Variants in KRT23 observed in about 807,000 individuals in gnomAD.
KRT23 encodes keratin, type I cytoskeletal 23.
KRT23 carries 38 observed loss-of-function variants against 47.6 expected under a neutral mutation model. The ratio of observed to expected loss-of-function variants is 0.80; its 90% confidence interval spans 0.62 to 1.05. The LOEUF (loss-of-function observed/expected upper bound fraction) is 1.05, where lower values mean the gene tolerates loss of function less well. KRT23 is among the 50% of genes least tolerant of loss of function. KRT23 has a pLI of 0.00. For missense variants in KRT23, 503 were observed against 529.5 expected (o/e 0.95, Z 0.49); for synonymous variants, 191 against 199.0 (o/e 0.96, Z 0.34).
rs1437326512 is a variant in KRT23, at chr17:40,922,982, A to C, written c.*7T>G. 6.2e-7 allele frequency: 1 copy of C among 1,606,286 alleles called. No individual in the cohort carries two copies. Among genetic ancestry groups the C allele is most frequent in the African/African-American group, 1.3e-5 (1 of 74,724 alleles). ...GATTTTACAACAGGCGGAAACTTTC[A>C]TTGGTCTCATGCGTGCTTTTGGATT... On this transcript the variant is annotated 3_prime_UTR_variant, in exon 9 of 9. Coordinates refer to ENST00000209718, the MANE Select transcript of KRT23 (RefSeq NM_015515.5).
rs1567797313 is a variant in KRT23 at position 40,929,047 on chromosome 17, A to AAAAG, written c.637-444_637-441dup. Among the ~76,000 whole-genome samples, 95 of 146,390 alleles carry AAAAG rather than the reference A, an allele frequency of 6.5e-4. 3 individuals carry two copies. The highest frequency in any genetic ancestry group is 1.0e-3 in the Admixed American group (14 of 13,994). ...GTCTCCAAAAAAAAAAAAAAAAAAA[A>AAAAG]AAAGAATATCATAAGGCAGGTAATC... On this transcript the variant is annotated intron_variant, in intron 4 of 8. Transcript: ENST00000209718.
At position 40,933,040 on chromosome 17, in the gene KRT23, G is replaced by A. The variant is rs142884646; in HGVS notation, c.397-1585C>T. Among the ~76,000 whole-genome samples, 921 of 152,220 alleles carry A rather than the reference G, an allele frequency of 6.1e-3. 8 individuals are homozygous for A. The highest frequency in any genetic ancestry group is 0.02 in the African/African-American group (843 of 41,500). On this transcript the variant is annotated intron_variant, in intron 2 of 8. Coordinates refer to ENST00000209718, the MANE Select transcript of KRT23 (RefSeq NM_015515.5). ...AAATAATGTCAAATAGCATATTATC[G>A]GCATATTATAGACAGTGAAAAATTG...
In KRT23 at chr17:40,925,500, G is replaced by T; in HGVS notation, c.996C>A (p.Ile332=). The T allele has an allele frequency of 3.7e-6, 6 of 1,614,190 alleles. No homozygotes were observed. Among genetic ancestry groups the T allele is most frequent in the Non-Finnish European group, 5.1e-6 (6 of 1,180,016 alleles). ...YSCKLQDMQE[I]ISHYEEELTQ... ...TCAGTTCCTCCTCATAGTGGGAGAT[G>T]ATCTCTTGCATGTCCTGGAGCTTGC... is the stretch of plus-strand genomic sequence containing the variant. Residue 332 remains isoleucine (I), a synonymous_variant, in exon 7 of 9, where the codon ATC becomes ATA. Transcript: ENST00000209718.
chr17:40,925,602 T>C, intron 6 of KRT23, 28 bp from the exon 7 acceptor site: 1 of 1,520,186 alleles, frequency 6.6e-7, no homozygotes, highest in Non-Finnish European at 9.1e-7. Flanking sequence ...CTTCTGTTAA[T>C]TAACTGATGG....
chr17:40,928,471 T>C lies in KRT23; in HGVS notation c.773A>G (p.Asp258Gly), dbSNP rs1909384816. Residue 258 changes from aspartate to glycine, a missense_variant, in exon 5 of 9, where the codon GAC (aspartate) becomes GGC (glycine). Asp to Gly is a moderately conservative substitution (Grantham distance 94, BLOSUM62 -1). Transcript: ENST00000209718. ...CTGTTCTTTATACCAAGTGTCCAAGTCTCGATGCTTCTTCTTTATTATAAG... is the reference window on the plus strand; with the variant it reads ...CTGTTCTTTATACCAAGTGTCCAAGCCTCGATGCTTCTTCTTTATTATAAG... Reference protein sequence around the residue: ...YELIIKKKHRDLDTWYKEQSA... With the variant: ...YELIIKKKHRGLDTWYKEQSA... The C allele has an allele frequency of 6.2e-7, 1 of 1,614,162 alleles. No individual in the cohort carries two copies.
At chr17:40,924,628 G>T in intron 7 of KRT23, 125 bp from the exon 8 acceptor site, 1 of 760,122 alleles carries the variant, frequency 1.3e-6, no homozygotes, top group South Asian at 1.7e-5. Flanking sequence ...ATAATTGTCT[G>T]AGCTTAGTAG....
At chr17:40,931,665 A>G (rs1177342423) in intron 2 of KRT23, among the ~76,000 whole-genome samples, 1 of 152,210 alleles carries the variant, frequency 6.6e-6, no homozygotes, top group Non-Finnish European at 1.5e-5. Flanking sequence ...AAATAAGAAT[A>G]TGATCTGCAG....
intron 6 of KRT23, 139 bp from the exon 7 acceptor site, chr17:40,925,713 GGCT>G: frequency 3.0e-6 from 2 of 672,106 alleles, no homozygotes; most frequent in Non-Finnish European, 5.3e-6. Context: ...ATGAGAAGTA[GGCT>G]GACTTACAGG....
At chr17:40,937,045 C>G in intron 1 of KRT23, 92 bp from the exon 2 acceptor site, 1 of 154,678 alleles carries the variant, frequency 6.5e-6, no homozygotes, top group East Asian at 1.8e-4. Context: ...AAAACCAAAA[C>G]AAAACAACAA....
chr17:40,924,531 A>C, intron 7 of KRT23, 28 bp from the exon 8 acceptor site: 1 of 1,595,794 alleles, frequency 6.3e-7, no homozygotes, highest in Non-Finnish European at 8.6e-7. Context: ...GTTAAAGCTC[A>C]CTTTAGTATT....
In KRT23 at chr17:40,923,103, A is replaced by G. The variant is rs775124068; in HGVS notation, c.1175-20T>C. 3.9e-6 allele frequency: 6 copies of G among 1,540,656 alleles called. No individual in the cohort carries two copies. The African/African-American group carries it at 4.1e-5, about 10-fold the overall frequency. On this transcript the variant is annotated intron_variant, in intron 8 of 8. Transcript: ENST00000209718. ...CAGACACTGAGAAAAAGAGCATGGAAGATGTCACTGCCATGCTTCTTCCAC... is the reference window on the plus strand; with the variant it reads ...CAGACACTGAGAAAAAGAGCATGGAGGATGTCACTGCCATGCTTCTTCCAC...
Position 40,936,776 on chromosome 17 carries a change from T to G in KRT23, c.-173A>C. ...TTGTGCAACTTGTGTTTCCTCTTGG[T>G]CAATCCCAAAGTGCCCCTGGGCCTT... On this transcript the variant is annotated 5_prime_UTR_variant, in exon 2 of 9. Transcript: ENST00000209718. 1.7e-6 allele frequency: 1 copy of G among 574,268 alleles called. No homozygotes were observed. The allele number at this position is 574,268 out of a possible 1,614,324, so 35.6% of individuals were successfully genotyped here.
intron 2 of KRT23, among the ~76,000 whole-genome samples, chr17:40,935,108 CTTG>C (rs1314916472): frequency 6.2e-5 from 6 of 96,088 alleles, no homozygotes; most frequent in East Asian, 4.1e-4. Flanking sequence ...GTTGAGTCAC[CTTG>C]TTTTTTTTTT....
At chr17:40,925,627 TA>T in intron 6 of KRT23, 53 bp from the exon 7 acceptor site, 1 of 1,339,220 alleles carries the variant, frequency 7.5e-7, no homozygotes, top group Non-Finnish European at 1.1e-6. Flanking sequence ...ATTGAGTCAA[TA>T]ACAGGTGATT....
chr17:40,924,602 C>A, intron 7 of KRT23, 99 bp from the exon 8 acceptor site: 1 of 952,868 alleles, frequency 1.0e-6, no homozygotes, highest in Non-Finnish European at 1.7e-6. Flanking sequence ...TGTAAATCCT[C>A]TGCTCTTTAA....
chr17:40,933,781 G>A (rs549600552), intron 2 of KRT23, among the ~76,000 whole-genome samples: 1 of 152,316 alleles, frequency 6.6e-6, no homozygotes, highest in African/African-American at 2.4e-5. Flanking sequence ...ATGGTAATAA[G>A]TGGATGAAGA....
chr17:40,933,829 CTGAGTGT>C (rs1567804967), intron 2 of KRT23, among the ~76,000 whole-genome samples: 1 of 152,254 alleles, frequency 6.6e-6, no homozygotes, highest in East Asian at 1.9e-4. Flanking sequence ...AGGTTTTTTA[CTGAGTGT>C]TGTAATTAAT....
chr17:40,929,814 A>T (rs956574279), intron 4 of KRT23, 126 bp downstream of exon 4: 18 of 712,954 alleles, frequency 2.5e-5, no homozygotes, highest in Admixed American at 2.5e-4. Context: ...TTTTCTAAAG[A>T]CTATTTAGGG....
chr17:40,934,498 T>C (rs547110215), intron 2 of KRT23, among the ~76,000 whole-genome samples: 29 of 152,348 alleles, frequency 1.9e-4, no homozygotes, highest in African/African-American at 7.0e-4. Context: ...TCAGTCTCCT[T>C]ATCTGTAAGT....
Sources: gnomAD v4.1 joint callset for allele counts (sites outside exome capture counted in the v4.1 genomes callset) on GRCh38, gnomAD v4.1.1 for gene constraint, MANE v1.5 for transcripts, NCBI Gene and HGNC (gene_info 2026-07-23, HGNC 2026-07-21) for gene names.